The following DEFB110 variants were observed in gnomAD, a reference collection of about 807,000 sequenced individuals.
The protein encoded by DEFB110 is beta-defensin 110.
Under a neutral mutation model 2.5 loss-of-function variants are expected in DEFB110, and 4 were observed. That is an observed-to-expected ratio of 1.60 (90% confidence interval 0.79 to 3.66). The LOEUF (loss-of-function observed/expected upper bound fraction) is 3.66, where lower values mean the gene tolerates loss of function less well. Ranked by LOEUF, DEFB110 falls within the 30% of genes most tolerant of loss-of-function variation. The probability of loss-of-function intolerance (pLI) is 0.01; values close to 1 mark genes in which losing one functional copy is unlikely to be tolerated. For missense variants in DEFB110, 94 were observed against 75.4 expected (o/e 1.25, Z -0.91); for synonymous variants, 29 against 21.8 (o/e 1.33, Z -0.92).
downstream of DEFB110, among the ~76,000 whole-genome samples, chr6:50,014,159 A>G (rs1262872558): frequency 6.6e-6 from 1 of 151,910 alleles, no homozygotes; most frequent in Non-Finnish European, 1.5e-5. Flanking sequence ...TAATTGTAAA[A>G]TAGCAATCGA....
chr6:50,016,412 G>A (rs1774316625), downstream of DEFB110, among the ~76,000 whole-genome samples: 1 of 151,756 alleles, frequency 6.6e-6, no homozygotes. Context: ...GTGGGCCATA[G>A]GAGGGAAAAA....
intron 1 of DEFB110, among the ~76,000 whole-genome samples, chr6:50,021,275 G>A (rs186335363): frequency 3.3e-5 from 5 of 152,254 alleles, no homozygotes; most frequent in Admixed American, 6.5e-5. Context: ...AGCATCCTGG[G>A]TTCTATCTAC....
At chr6:50,012,584 G>A (rs1774246724) in intron 1 of DEFB110, among the ~76,000 whole-genome samples, 4 of 151,896 alleles carry the variant, frequency 2.6e-5, no homozygotes, top group African/African-American at 9.7e-5. Context: ...GCAATCAAAT[G>A]AGGTAATACA....
chr6:50,017,168 T>A (rs1774333157), downstream of DEFB110, among the ~76,000 whole-genome samples: 1 of 151,898 alleles, frequency 6.6e-6, no homozygotes. Flanking sequence ...TTTCTTGACG[T>A]AGCTAATATA....
downstream of DEFB110, among the ~76,000 whole-genome samples, chr6:50,015,582 T>C (rs1349741604): frequency 6.6e-6 from 1 of 151,836 alleles, no homozygotes; most frequent in Non-Finnish European, 1.5e-5. Context: ...AAAATTACTA[T>C]AGCCCAGGAT....
downstream of DEFB110, among the ~76,000 whole-genome samples, chr6:50,017,077 G>A (rs1455433421): frequency 6.6e-6 from 1 of 151,314 alleles, no homozygotes; most frequent in Non-Finnish European, 1.5e-5. Context: ...ATGGAGAGAG[G>A]GCTCAGTCTC....
At chr6:50,018,155 C>A (rs79663541), downstream of DEFB110, among the ~76,000 whole-genome samples, 671 of 151,988 alleles carry the variant, frequency 4.4e-3, 17 homozygotes, top group East Asian at 0.016. Flanking sequence ...TGTGGCTCCT[C>A]AGAGGAAGCA....
chr6:50,012,767 C>G (rs912161604), intron 1 of DEFB110, among the ~76,000 whole-genome samples: 1 of 151,846 alleles, frequency 6.6e-6, no homozygotes, highest in Non-Finnish European at 1.5e-5. Context: ...ATACAACACA[C>G]ATTTAGTTAG....
At chr6:50,020,655 A>G in intron 1 of DEFB110, among the ~76,000 whole-genome samples, 1 of 152,222 alleles carries the variant, frequency 6.6e-6, no homozygotes, top group East Asian at 1.9e-4. Context: ...ACATAGACTC[A>G]GAGCTACATT....
downstream of DEFB110, among the ~76,000 whole-genome samples, chr6:50,015,120 A>G (rs1774295117): frequency 6.6e-6 from 1 of 151,770 alleles, no homozygotes; most frequent in Admixed American, 6.6e-5. Flanking sequence ...TGGAGTCATT[A>G]TTGACCCCTC....
chr6:50,011,103 T>C (rs1216835277), intron 1 of DEFB110, among the ~76,000 whole-genome samples: 3 of 151,684 alleles, frequency 2.0e-5, no homozygotes, highest in Non-Finnish European at 4.4e-5. Context: ...GTTTGCCATG[T>C]GTAAATTATG....
At chr6:50,013,139 T>C (rs947984037) in intron 1 of DEFB110, among the ~76,000 whole-genome samples, 5 of 151,836 alleles carry the variant, frequency 3.3e-5, no homozygotes, top group African/African-American at 9.7e-5. Flanking sequence ...ATTTCATACA[T>C]AAAGATAGTT....
intron 1 of DEFB110, among the ~76,000 whole-genome samples, chr6:50,019,661 C>T (rs1774384720): frequency 6.6e-6 from 1 of 151,818 alleles, no homozygotes; most frequent in Non-Finnish European, 1.5e-5. Flanking sequence ...AGACATGTGT[C>T]TAATAACAAC....
At chr6:50,009,539 C>T (rs561300029) in intron 1 of DEFB110, among the ~76,000 whole-genome samples, 22 of 152,226 alleles carry the variant, frequency 1.4e-4, no homozygotes, top group African/African-American at 5.3e-4. Flanking sequence ...ACAGTAACAA[C>T]GAGAAAGTGA....
Position 50,018,900 on chromosome 6 carries a change from C to T in DEFB110, c.*77G>A, listed in dbSNP as rs562264085. ...TTGTGTATTATAGAGACACACACGC[C>T]TTGAAGGATGTGCTGGGAAAACTTA... On this transcript the variant is annotated 3_prime_UTR_variant, in exon 2 of 2. Transcript: ENST00000371148. 10 of 1,514,710 alleles carry T rather than the reference C, an allele frequency of 6.6e-6. No homozygotes were observed. The African/African-American group carries it at 1.3e-4, about 19-fold the overall frequency. 93.8% of individuals were successfully genotyped at this position (1,514,710 alleles called of 1,614,324 possible).
downstream of DEFB110, among the ~76,000 whole-genome samples, chr6:50,016,760 A>G (rs1356929133): frequency 6.6e-6 from 1 of 151,736 alleles, no homozygotes; most frequent in Non-Finnish European, 1.5e-5. Flanking sequence ...TGATGCACGT[A>G]GGTTCACATT....
At position 50,018,973 on chromosome 6, in the gene DEFB110, A is replaced by G. The variant is rs767122073; in HGVS notation, c.*4T>C. On this transcript the variant is annotated 3_prime_UTR_variant, in exon 2 of 2. Coordinates refer to ENST00000371148, the MANE Select transcript of DEFB110 (RefSeq NM_001037497.2). ...GAGCTTGTGACTCTTTTCTTCTGTC[A>G]TCGTTACTGCTGCAAGCAGCAATGA... is the stretch of plus-strand genomic sequence containing the variant. 1 of 1,607,396 alleles carries G rather than the reference A, an allele frequency of 6.2e-7. No homozygotes were observed. The highest frequency in any genetic ancestry group is 2.2e-5 in the East Asian group (1 of 44,798).
At position 50,021,841 on chromosome 6, in the gene DEFB110, A is replaced by T. The variant is rs756437234; in HGVS notation, c.55+40T>A. 3 of 1,522,774 alleles carry T rather than the reference A, an allele frequency of 2.0e-6. No homozygotes were observed. In the South Asian group the frequency reaches 3.8e-5, roughly 20 times the overall value. 94.3% of individuals were successfully genotyped at this position (1,522,774 alleles called of 1,614,324 possible). A position where few individuals can be genotyped will look rare whatever the true frequency, so the allele number is the denominator to read the frequency against. Reference sequence around the variant, plus strand: ...TCAAGAAACAACTTATGTCTTCTCAAATTTGTTAGTATAAATCCCCACAAA... The same window carrying T: ...TCAAGAAACAACTTATGTCTTCTCATATTTGTTAGTATAAATCCCCACAAA... On this transcript the variant is annotated intron_variant, in intron 1 of 1. Coordinates refer to ENST00000371148, the MANE Select transcript of DEFB110 (RefSeq NM_001037497.2).
chr6:50,017,728 A>C (rs182467777), downstream of DEFB110, among the ~76,000 whole-genome samples: 1 of 151,896 alleles, frequency 6.6e-6, no homozygotes, highest in African/African-American at 2.4e-5. Context: ...TTCCCCATTC[A>C]TGGCTTGTTG....
Sources: gnomAD v4.1 joint callset for allele counts (sites outside exome capture counted in the v4.1 genomes callset) on GRCh38, gnomAD v4.1.1 for gene constraint, MANE v1.5 for transcripts, NCBI Gene and HGNC (gene_info 2026-07-23, HGNC 2026-07-21) for gene names.